PRAG1: variants seen among roughly 807,000 people sequenced by gnomAD.
PRAG1 encodes the protein inactive tyrosine-protein kinase PRAG1.
In PRAG1, 110 loss-of-function variants were observed where a neutral mutation model predicts 95.6. The ratio of observed to expected loss-of-function variants is 1.15; its 90% CI spans 0.99 to 1.35. PRAG1 has a LOEUF of 1.35. PRAG1 is among the 40% of genes most tolerant of loss of function. PRAG1 has a pLI of 0.00. For synonymous variants in PRAG1, 1,052 were observed against 819.4 expected (o/e 1.28, Z -4.85); for missense variants, 2,554 against 1,864.7 (o/e 1.37, Z -6.81).
chr8:8,330,155 CAGG>C (rs1226690840), intron 4 of PRAG1, among the ~76,000 whole-genome samples: 1 of 152,140 alleles, frequency 6.6e-6, no homozygotes, highest in Non-Finnish European at 1.5e-5. Context: ...CACTTGAGCT[CAGG>C]AGTTCAAGAC....
intron 3 of PRAG1, among the ~76,000 whole-genome samples, chr8:8,370,937 G>C (rs1377820182): frequency 3.3e-5 from 5 of 152,034 alleles, no homozygotes; most frequent in Admixed American, 1.3e-4. Flanking sequence ...TAAGGAGTTC[G>C]AGATCAGCCT....
chr8:8,361,825 C>T (rs1799855870), intron 3 of PRAG1, among the ~76,000 whole-genome samples: 2 of 152,220 alleles, frequency 1.3e-5, no homozygotes, highest in Non-Finnish European at 2.9e-5. Flanking sequence ...AATACTTAAT[C>T]ATCTACTGCT....
chr8:8,367,950 G>A (rs1478253971), intron 3 of PRAG1, among the ~76,000 whole-genome samples: 1 of 152,136 alleles, frequency 6.6e-6, no homozygotes, highest in Non-Finnish European at 1.5e-5. Flanking sequence ...CGTATATAGT[G>A]TTTTTTAATT....
At chr8:8,338,871 G>A in intron 4 of PRAG1, among the ~76,000 whole-genome samples, 1 of 152,186 alleles carries the variant, frequency 6.6e-6, no homozygotes, top group East Asian at 1.9e-4. Flanking sequence ...AGGGTGAGAG[G>A]TTTTAAATAT....
intron 3 of PRAG1, among the ~76,000 whole-genome samples, chr8:8,355,808 G>A: frequency 6.6e-6 from 1 of 152,140 alleles, no homozygotes; most frequent in East Asian, 1.9e-4. Context: ...TGTAGGACCT[G>A]AAGTCATAAA....
rs781758394 is a variant in PRAG1, at chr8:8,318,406, G to A, written c.3969C>T (p.Arg1323=). 8 of 1,613,198 alleles carry A rather than the reference G, an allele frequency of 5.0e-6. No homozygotes were observed. The highest frequency in any genetic ancestry group is 4.4e-5 in the South Asian group (4 of 91,050). The part of the protein sequence containing the change: ...IKRIRIGEAK[R]VLQCLLWGPR... ...GCCCCCACAGCAGGCACTGCAGCAC[G>A]CGCTTGGCCTCGCCGATGCGGATAC... Residue 1323 remains arginine (R), a synonymous_variant, in exon 6 of 6, where the codon CGC becomes CGT. Transcript: ENST00000615670. This position sits in a 1 kb window ranked among gnomAD's most constrained non-coding sequence, Gnocchi z 4.2.
chr8:8,326,607 A>C (rs1388890303), intron 5 of PRAG1, among the ~76,000 whole-genome samples: 1 of 152,150 alleles, frequency 6.6e-6, no homozygotes. Context: ...CAACTAGCTC[A>C]CACAGAGCTG....
Position 8,377,859 on chromosome 8 carries a change from C to A in PRAG1, c.550G>T (p.Glu184Ter). The change falls in exon 3 of 6, where the codon GAG (glutamate) becomes TAG (stop). Residue 184 changes from glutamate (E) to a stop codon, truncating the protein, a stop_gained. Transcript: ENST00000615670. LOFTEE classifies it high-confidence loss of function. ...NIAFHPVSFP[E>*]EKAVHKEKPS... is the part of the protein sequence containing the mutation. ...TTTTCTTTGTGCACAGCCTTCTCCT[C>A]CGGGAAGCTCACCGGGTGGAAGGCA... The A allele has an allele frequency of 6.2e-7, 1 of 1,614,130 alleles. No homozygotes were observed. The highest frequency in any genetic ancestry group is 8.5e-7 in the Non-Finnish European group (1 of 1,180,014).
At chr8:8,338,611 T>A (rs571873602) in intron 4 of PRAG1, among the ~76,000 whole-genome samples, 1 of 152,340 alleles carries the variant, frequency 6.6e-6, no homozygotes, top group South Asian at 2.1e-4. Flanking sequence ...GTCAGAGGTT[T>A]CTCATCAGAA....
At chr8:8,358,785 C>T (rs1344067043) in intron 3 of PRAG1, among the ~76,000 whole-genome samples, 1 of 152,242 alleles carries the variant, frequency 6.6e-6, no homozygotes, top group East Asian at 1.9e-4. Context: ...CTTTGTCCTA[C>T]CTCCACTGGC....
In PRAG1 at chr8:8,377,730, GC is replaced by G; in HGVS notation, c.678del (p.Leu228CysfsTer142). 6.2e-7 allele frequency: 1 copy of G among 1,614,034 alleles called. No homozygotes were observed. The highest frequency in any genetic ancestry group is 8.5e-7 in the Non-Finnish European group (1 of 1,180,026). On this transcript the variant is annotated frameshift_variant, in exon 3 of 6. Transcript: ENST00000615670. LOFTEE classifies it high-confidence loss of function. ...TCCGAGGGCAGGGATTCCCGCAGGG[GC>G]CCAGGGCCCTGGTGACAGCCAGATG... ...GTTSGCHQGP[G>X]PLRESLPSED...
chr8:8,320,119 G>T (rs1798427784), intron 5 of PRAG1, among the ~76,000 whole-genome samples: 1 of 152,208 alleles, frequency 6.6e-6, no homozygotes, highest in Non-Finnish European at 1.5e-5. Context: ...GGAGGTATTG[G>T]TAGGAAGACA....
chr8:8,361,167 GT>G (rs1447371676), intron 3 of PRAG1, among the ~76,000 whole-genome samples: 3 of 152,192 alleles, frequency 2.0e-5, no homozygotes, highest in Non-Finnish European at 4.4e-5. Flanking sequence ...CAAAGTCAAT[GT>G]CCCCCTCACT....
At position 8,330,374 on chromosome 8, in the gene PRAG1, G is replaced by A. The variant is rs1050743515; in HGVS notation, c.2321-1913C>T. On this transcript the variant is annotated intron_variant, in intron 4 of 5. Transcript: ENST00000615670. ...GAGTGAGACTGTCACAAGTGAAAATGAAATTCAAGAGGGAGCACCGTGTTT... is the reference window on the plus strand; with the variant it reads ...GAGTGAGACTGTCACAAGTGAAAATAAAATTCAAGAGGGAGCACCGTGTTT... Among the ~76,000 whole-genome samples, 46 of 152,148 alleles carry A rather than the reference G, an allele frequency of 3.0e-4. 1 individual carries two copies. The highest frequency in any genetic ancestry group is 9.9e-4 in the African/African-American group (41 of 41,424).
chr8:8,340,251 T>C (rs1404396780), intron 3 of PRAG1, among the ~76,000 whole-genome samples: 1 of 152,262 alleles, frequency 6.6e-6, no homozygotes, highest in Admixed American at 6.5e-5. Context: ...ACCTTTTGCT[T>C]TTCTGTGAAA....
At chr8:8,374,516 C>T in intron 3 of PRAG1, 1 of 366,374 alleles carries the variant, frequency 2.7e-6, no homozygotes, top group Non-Finnish European at 3.8e-6. Flanking sequence ...TCTATCTCTG[C>T]TTTGTCATCT....
chr8:8,383,881 G>C (rs1414094166), intron 1 of PRAG1, among the ~76,000 whole-genome samples: 7 of 152,110 alleles, frequency 4.6e-5, no homozygotes, highest in Non-Finnish European at 8.8e-5. Context: ...GCTAAGTTTT[G>C]GGAGGGGGAA....
At chr8:8,370,144 A>C (rs2116915304) in intron 3 of PRAG1, among the ~76,000 whole-genome samples, 1 of 152,386 alleles carries the variant, frequency 6.6e-6, no homozygotes, top group South Asian at 2.1e-4. Flanking sequence ...TACTGCTGTC[A>C]AATCAGTAAT....
intron 3 of PRAG1, among the ~76,000 whole-genome samples, chr8:8,372,561 C>T (rs1442917340): frequency 2.0e-5 from 3 of 152,182 alleles, no homozygotes; most frequent in African/African-American, 7.2e-5. Flanking sequence ...TTGCCGTACC[C>T]GCCTGGGTTG....
Sources: gnomAD v4.1 joint callset for allele counts (sites outside exome capture counted in the v4.1 genomes callset) on GRCh38, gnomAD v4.1.1 for gene constraint, Gnocchi (gnomAD v3.1) non-coding constraint, MANE v1.5 for transcripts, NCBI Gene and HGNC (gene_info 2026-07-23, HGNC 2026-07-21) for gene names.